CEP112: variants seen among roughly 807,000 people sequenced by gnomAD.
CEP112 encodes centrosomal protein of 112 kDa.
CEP112 carries 127 observed loss-of-function variants against 153.0 expected under a neutral mutation model. The ratio of observed to expected loss-of-function variants is 0.83; its 90% confidence interval spans 0.72 to 0.96. CEP112 has a LOEUF of 0.96. CEP112 is among the 40% of genes least tolerant of loss of function. The probability of loss-of-function intolerance (pLI) is 0.00; values close to 1 mark genes in which losing one functional copy is unlikely to be tolerated. For missense variants in CEP112, 1,089 were observed against 1,101.2 expected (o/e 0.99, Z 0.16); for synonymous variants, 358 against 374.4 (o/e 0.96, Z 0.51).
chr17:65,789,414 T>C (rs574975213), intron 21 of CEP112, among the ~76,000 whole-genome samples: 1 of 152,312 alleles, frequency 6.6e-6, no homozygotes, highest in Admixed American at 6.5e-5. Flanking sequence ...AATATGATCA[T>C]ATCACTTTGT....
rs535427612 is a variant in CEP112, at chr17:65,764,438, C to CT, written c.2395-13715dup. On this transcript the variant is annotated intron_variant, in intron 21 of 26. Transcript: ENST00000535342. ...TTTATATATTTAGGTGCTCTAATGT[C>CT]TAATGTCTAATGTGCTCTAATGTCT... 2.6e-5 allele frequency among the ~76,000 whole-genome samples: 4 copies of CT among 152,366 alleles called. No homozygotes were observed. In the South Asian group the frequency reaches 8.3e-4, roughly 32 times the overall value.
chr17:65,710,842 C>T (rs1403120017), intron 23 of CEP112, among the ~76,000 whole-genome samples: 1 of 152,230 alleles, frequency 6.6e-6, no homozygotes, highest in African/African-American at 2.4e-5. Flanking sequence ...GGACTTTCTG[C>T]TGTTGGTCTT....
intron 19 of CEP112, among the ~76,000 whole-genome samples, chr17:65,905,597 GGGTATATACCCAAA>G (rs2060041824): frequency 1.3e-5 from 2 of 152,134 alleles, no homozygotes; most frequent in Non-Finnish European, 2.9e-5. Flanking sequence ...TCCCATTACT[GGGTATATACCCAAA>G]GGATTTTAAA....
At chr17:65,836,840 C>G (rs2057325064) in intron 21 of CEP112, among the ~76,000 whole-genome samples, 1 of 151,938 alleles carries the variant, frequency 6.6e-6, no homozygotes, top group African/African-American at 2.4e-5. Context: ...TCCCCCTCCC[C>G]CTCTGATGCC....
At chr17:65,723,556 C>T (rs942621165) in intron 23 of CEP112, among the ~76,000 whole-genome samples, 4 of 151,910 alleles carry the variant, frequency 2.6e-5, no homozygotes, top group South Asian at 2.1e-4. Context: ...ACATCACTTG[C>T]GAATTTGGAA....
At chr17:65,826,515 G>T in intron 21 of CEP112, 1 of 1,389,214 alleles carries the variant, frequency 7.2e-7, no homozygotes, top group Non-Finnish European at 9.3e-7. Flanking sequence ...CAACCACACT[G>T]CCTGGCTCAG....
At chr17:66,134,070 TGAG>T (rs1032614096) in intron 4 of CEP112, among the ~76,000 whole-genome samples, 8 of 152,140 alleles carry the variant, frequency 5.3e-5, no homozygotes, top group Admixed American at 5.2e-4. Context: ...TAAAACTCTA[TGAG>T]GAGAGGTAAC....
intron 6 of CEP112, among the ~76,000 whole-genome samples, chr17:66,109,537 A>C (rs1291341798): frequency 6.6e-6 from 1 of 152,148 alleles, no homozygotes; most frequent in East Asian, 1.9e-4. Flanking sequence ...ACAAAGATAT[A>C]ATTTCTAATA....
chr17:66,086,380 C>CTTTTCTTTT (rs2067931452), intron 8 of CEP112, among the ~76,000 whole-genome samples: 1 of 67,026 alleles, frequency 1.5e-5, no homozygotes, highest in African/African-American at 6.4e-5. Flanking sequence ...ATTTTCTTTT[C>CTTTTCTTTT]TTTTTTTTTT....
At chr17:65,826,187 C>T in intron 21 of CEP112, 1 of 1,614,238 alleles carries the variant, frequency 6.2e-7, no homozygotes, top group Admixed American at 1.7e-5. Context: ...AGGCTTCAAA[C>T]TTCCTGCCTG....
intron 17 of CEP112, among the ~76,000 whole-genome samples, chr17:66,002,469 AAGGTGAAGAAAGACAGC>A (rs2064101813): frequency 6.6e-6 from 1 of 152,160 alleles, no homozygotes. Flanking sequence ...GTCATGTAAC[AAGGTGAAGAAAGACAGC>A]TTGGAAATAG....
At chr17:65,852,138 A>T (rs2057956426) in intron 20 of CEP112, 104 bp from the exon 21 acceptor site, 1 of 711,462 alleles carries the variant, frequency 1.4e-6, no homozygotes, top group Non-Finnish European at 2.3e-6. Context: ...AACATATGGA[A>T]TAGAAAGCTT....
intron 20 of CEP112, among the ~76,000 whole-genome samples, chr17:65,871,418 G>A (rs1451642662): frequency 6.6e-6 from 1 of 152,088 alleles, no homozygotes; most frequent in Non-Finnish European, 1.5e-5. Context: ...GGCAGATCAC[G>A]AGGTCAGGAG....
chr17:65,818,328 C>T (rs1289103110), intron 21 of CEP112, among the ~76,000 whole-genome samples: 1 of 151,808 alleles, frequency 6.6e-6, no homozygotes, highest in Non-Finnish European at 1.5e-5. Context: ...ACAAAGCCCT[C>T]GTTGCAGAAC....
At chr17:66,051,534 T>C (rs1598233342) in intron 12 of CEP112, among the ~76,000 whole-genome samples, 2 of 152,048 alleles carry the variant, frequency 1.3e-5, no homozygotes, top group East Asian at 3.9e-4. Context: ...TATTAAGGAG[T>C]TGGAATTTGA....
At chr17:65,754,656 T>C (rs997210158) in intron 21 of CEP112, among the ~76,000 whole-genome samples, 4 of 151,744 alleles carry the variant, frequency 2.6e-5, no homozygotes, top group African/African-American at 9.7e-5. Flanking sequence ...TACAATACAG[T>C]GTAGAGGTCA....
At chr17:65,990,772 G>A (rs1279178237) in intron 17 of CEP112, among the ~76,000 whole-genome samples, 2 of 152,210 alleles carry the variant, frequency 1.3e-5, no homozygotes, top group Non-Finnish European at 2.9e-5. Context: ...TGGACTAGAG[G>A]GGCACACAAC....
intron 10 of CEP112, 127 bp downstream of exon 10, chr17:66,066,651 C>T (rs2146048088): frequency 8.9e-6 from 5 of 561,452 alleles, no homozygotes; most frequent in Non-Finnish European, 8.5e-6. Context: ...AATATATCCA[C>T]TGATGAAACC....
intron 19 of CEP112, among the ~76,000 whole-genome samples, chr17:65,925,855 G>A (rs1435648130): frequency 6.6e-6 from 1 of 152,134 alleles, no homozygotes; most frequent in Non-Finnish European, 1.5e-5. Context: ...GACTCAAGAT[G>A]ACATGACATG....
Sources: gnomAD v4.1 joint callset for allele counts (sites outside exome capture counted in the v4.1 genomes callset) on GRCh38, gnomAD v4.1.1 for gene constraint, MANE v1.5 for transcripts, NCBI Gene and HGNC (gene_info 2026-07-23, HGNC 2026-07-21) for gene names.